PIK3C2A: variants seen among roughly 807,000 people sequenced by gnomAD.
PIK3C2A encodes the protein phosphatidylinositol 4-phosphate 3-kinase C2 domain-containing subunit alpha.
In PIK3C2A, 97 loss-of-function variants were observed where a neutral mutation model predicts 204.5. That is an observed-to-expected ratio of 0.47 (90% CI 0.40 to 0.56). PIK3C2A has a LOEUF of 0.56. Among genes scored for constraint, PIK3C2A ranks in the 20% least tolerant of loss-of-function variants. PIK3C2A has a pLI of 0.00. For missense variants in PIK3C2A, 1,735 were observed against 1,969.2 expected (o/e 0.88, Z 2.25); for synonymous variants, 653 against 664.4 (o/e 0.98, Z 0.26).
At chr11:17,113,612 T>C (rs1200993690) in intron 20 of PIK3C2A, among the ~76,000 whole-genome samples, 1 of 151,352 alleles carries the variant, frequency 6.6e-6, no homozygotes, top group East Asian at 2.0e-4. Flanking sequence ...CGAAACCCCG[T>C]CTCTACTAAA....
chr11:17,131,096 G>A (rs1402992380), intron 12 of PIK3C2A, among the ~76,000 whole-genome samples: 1 of 152,132 alleles, frequency 6.6e-6, no homozygotes, highest in Non-Finnish European at 1.5e-5. Flanking sequence ...GCTGAGACAG[G>A]AGAATTGCTT....
At position 17,122,727 on chromosome 11, in the gene PIK3C2A, T is replaced by C. The variant is rs746441861; in HGVS notation, c.2486A>G (p.Tyr829Cys). The C allele has an allele frequency of 7.3e-6, 11 of 1,499,614 alleles. No homozygotes were observed. In the South Asian group the frequency reaches 1.3e-4, roughly 17 times the overall value. The allele number at this position is 1,499,614 out of a possible 1,614,324, so 92.9% of individuals were successfully genotyped here. Residue 829 changes from tyrosine (Y) to cysteine (C), a missense_variant, in exon 14 of 33, where the codon TAT becomes TGT. Physicochemically the swap from Tyr to Cys is radical, Grantham distance 194 (BLOSUM62 -2). This residue lies in a region of PIK3C2A where 567 missense variants were observed against 576.0 expected (regional missense o/e 0.98). Transcript: ENST00000691414. ...CTGTAGCACTATTCTTTCCATGACA[T>C]ATCCTTTTTTGGTAACTGTTCCAGG... ...SVPGTVTKKG[Y>C]VMERIVLQVD...
rs1368703488 is a variant in PIK3C2A, at chr11:17,086,984, C to CCTATAG, written c.*2748_*2753dup. The CCTATAG allele has an allele frequency of 6.6e-6, 1 of 151,988 alleles. No individual in the cohort carries two copies. The highest frequency in any genetic ancestry group is 1.5e-5 in the Non-Finnish European group (1 of 67,986). The allele number at this position is 151,988 out of a possible 1,614,324, so 9.4% of individuals were successfully genotyped here. ...TCATACATGCCTTAACATTTAGATA[C>CCTATAG]CTATAGATTCATATAAAGGCAGTAA... On this transcript the variant is annotated 3_prime_UTR_variant, in exon 33 of 33. Transcript: ENST00000691414.
intron 1 of PIK3C2A, among the ~76,000 whole-genome samples, chr11:17,185,202 A>G (rs1040386653): frequency 6.6e-6 from 1 of 152,148 alleles, no homozygotes; most frequent in Non-Finnish European, 1.5e-5. Context: ...TAGATACGCA[A>G]ATACTTAACA....
At chr11:17,190,148 A>G (rs1265512714) in intron 1 of PIK3C2A, among the ~76,000 whole-genome samples, 1 of 152,072 alleles carries the variant, frequency 6.6e-6, no homozygotes, top group Non-Finnish European at 1.5e-5. Context: ...CTGTAATCCC[A>G]GTTACTCTGG....
intron 17 of PIK3C2A, among the ~76,000 whole-genome samples, 174 bp downstream of exon 17, chr11:17,119,046 G>A (rs1391788659): frequency 6.6e-6 from 1 of 152,140 alleles, no homozygotes; most frequent in Non-Finnish European, 1.5e-5. Flanking sequence ...ATATTCAAAT[G>A]GGGCAGATGA....
chr11:17,184,290 G>C (rs1386157129), intron 1 of PIK3C2A, among the ~76,000 whole-genome samples: 1 of 151,774 alleles, frequency 6.6e-6, no homozygotes, highest in Non-Finnish European at 1.5e-5. Flanking sequence ...TCAGAAGACG[G>C]CATTGTTATC....
chr11:17,093,250 A>C (rs958326874), intron 28 of PIK3C2A, among the ~76,000 whole-genome samples: 5 of 152,202 alleles, frequency 3.3e-5, no homozygotes, highest in Admixed American at 2.0e-4. Flanking sequence ...TTTGATTGAC[A>C]GTCTCGATGA....
chr11:17,198,977 C>T (rs923310938), intron 1 of PIK3C2A, among the ~76,000 whole-genome samples: 5 of 151,864 alleles, frequency 3.3e-5, no homozygotes, highest in Admixed American at 2.6e-4. Flanking sequence ...AAATTAGCCA[C>T]GCGTGCTGAC....
At position 17,118,638 on chromosome 11, in the gene PIK3C2A, A is replaced by G. The variant is rs746731772; in HGVS notation, c.3035+7T>C. 2.3e-6 allele frequency: 3 copies of G among 1,287,032 alleles called. No homozygotes were observed. The South Asian group carries it at 3.7e-5, about 16-fold the overall frequency. The allele number at this position is 1,287,032 out of a possible 1,614,324, so 79.7% of individuals were successfully genotyped here. A position where few individuals can be genotyped will look rare whatever the true frequency, so the allele number is the denominator to read the frequency against. On this transcript the variant is annotated splice_region_variant and intron_variant, in intron 18 of 32. Transcript: ENST00000691414. ...AAATACGGTAATCAATAAAATTTAA[A>G]TCTTACCAATATAAATTGTGTGCTA...
chr11:17,122,898 T>C (rs1401909413), intron 13 of PIK3C2A, 85 bp from the exon 14 acceptor site: 5 of 627,468 alleles, frequency 8.0e-6, no homozygotes, highest in South Asian at 2.1e-5. Flanking sequence ...TTTGAAAAGT[T>C]AGTATGAGAT....
rs17847728 is a variant in PIK3C2A, at chr11:17,094,480, T to C, written c.4327-95A>G. ...GGCTCATGCCTGTAATCCCAGCACT[T>C]TGGGAGGCCGAGGTGGGTGGATCAG... On this transcript the variant is annotated intron_variant, in intron 27 of 32. Coordinates refer to ENST00000691414, the MANE Select transcript of PIK3C2A (RefSeq NM_002645.4). 43,491 of 957,452 alleles carry C rather than the reference T, an allele frequency of 0.045. 4,700 individuals are homozygous for C. Among genetic ancestry groups the C allele is most frequent in the East Asian group, 0.4 (14,744 of 36,778 alleles). The allele number at this position is 957,452 out of a possible 1,614,324, so 59.3% of individuals were successfully genotyped here.
intron 32 of PIK3C2A, among the ~76,000 whole-genome samples, chr11:17,091,082 G>A (rs899379286): frequency 6.6e-6 from 1 of 151,962 alleles, no homozygotes; most frequent in Non-Finnish European, 1.5e-5. Context: ...TCAAAACAAT[G>A]GACACAGAGA....
In PIK3C2A at chr11:17,091,558, T is replaced by C; in HGVS notation, c.4741A>G (p.Ile1581Val). 6.2e-7 allele frequency: 1 copy of C among 1,609,660 alleles called. No homozygotes were observed. ...TTGTAATCACTCACAAGATCTTTGA[T>C]ATGCATCACCATGATGAAAAGAGTA... ...NGTLFIMVMH[I>V]KDLVTEDGAD... Residue 1581 changes from isoleucine to valine, a missense_variant, in exon 31 of 33, where the codon ATC becomes GTC. Ile to Val is a conservative substitution (Grantham distance 29). Coordinates refer to ENST00000691414, the MANE Select transcript of PIK3C2A (RefSeq NM_002645.4).
intron 1 of PIK3C2A, among the ~76,000 whole-genome samples, chr11:17,187,633 T>C (rs891350597): frequency 3.9e-5 from 6 of 152,110 alleles, no homozygotes; most frequent in African/African-American, 1.4e-4. Flanking sequence ...AGTAAGGAAT[T>C]ATAAGTAACA....
chr11:17,152,688 G>A (rs964287059), intron 3 of PIK3C2A, among the ~76,000 whole-genome samples: 2 of 151,968 alleles, frequency 1.3e-5, no homozygotes, highest in African/African-American at 2.4e-5. Flanking sequence ...TGTCTATTTA[G>A]TGTGGCTCTA....
At chr11:17,114,689 A>C (rs61879703) in intron 19 of PIK3C2A, among the ~76,000 whole-genome samples, 16,586 of 152,260 alleles carry the variant, frequency 0.11, 967 homozygotes, top group Middle Eastern at 0.21. Flanking sequence ...CGAAAATGTT[A>C]AAGCTCACTA....
At chr11:17,160,910 AAGT>A (rs1850753170) in intron 2 of PIK3C2A, among the ~76,000 whole-genome samples, 1 of 152,158 alleles carries the variant, frequency 6.6e-6, no homozygotes, top group Admixed American at 6.5e-5. Flanking sequence ...AAAAACAGTT[AAGT>A]TTTGGAAAAG....
chr11:17,183,435 G>A (rs1377298971), intron 1 of PIK3C2A, among the ~76,000 whole-genome samples: 1 of 152,040 alleles, frequency 6.6e-6, no homozygotes, highest in African/African-American at 2.4e-5. Flanking sequence ...CAGAACTTTG[G>A]GAGGCCAAGG....
Sources: gnomAD v4.1 joint callset for allele counts (sites outside exome capture counted in the v4.1 genomes callset) on GRCh38, gnomAD v4.1.1 for gene constraint, gnomAD v4.1.1 regional missense constraint, MANE v1.5 for transcripts, NCBI Gene and HGNC (gene_info 2026-07-23, HGNC 2026-07-21) for gene names.